The following NEB variants were observed in gnomAD, a reference collection of about 807,000 sequenced individuals.
The protein encoded by NEB is nemaline myopathy type 2.
Under a neutral mutation model 952.2 loss-of-function variants are expected in NEB, and 512 were observed. The ratio of observed to expected loss-of-function variants is 0.54; its 90% CI spans 0.50 to 0.58. The LOEUF is 0.58. Among genes scored for constraint, NEB ranks in the 20% least tolerant of loss-of-function variants. The pLI, the probability that NEB is intolerant of heterozygous loss-of-function variation, is 0.00. For synonymous variants in NEB, 2,900 were observed against 3,149.8 expected, an observed-to-expected ratio of 0.92 and a Z score of 2.66; for missense variants, 8,428 against 9,231.1, an observed-to-expected ratio of 0.91 and a Z score of 3.56.
At chr2:151,525,860 G>A (rs2085425292) in intron 150 of NEB, 98 bp downstream of exon 150, 1 of 888,416 alleles carries the variant, frequency 1.1e-6, no homozygotes, top group South Asian at 1.3e-5. Context: ...TAAGAGTGAA[G>A]CTACATAAAG....
intron 74 of NEB, 73 bp downstream of exon 74, chr2:151,618,202 C>T: frequency 7.5e-7 from 1 of 1,326,000 alleles, no homozygotes; most frequent in South Asian, 1.2e-5. Flanking sequence ...CTTTAAAATG[C>T]AATAATATAT....
At chr2:151,551,708 G>A in intron 129 of NEB, 30 bp downstream of exon 129, 1 of 1,543,584 alleles carries the variant, frequency 6.5e-7, no homozygotes, top group Non-Finnish European at 9.0e-7. Flanking sequence ...ACGGATTTCT[G>A]CTGGGCACTC....
chr2:151,534,833 G>A (rs1043247361), intron 142 of NEB, among the ~76,000 whole-genome samples: 3 of 152,186 alleles, frequency 2.0e-5, no homozygotes, highest in Non-Finnish European at 4.4e-5. Context: ...GAAGCTACTG[G>A]CAGTAATTCT....
chr2:151,521,776 T>C (rs1313695008), intron 153 of NEB, among the ~76,000 whole-genome samples: 1 of 152,242 alleles, frequency 6.6e-6, no homozygotes, highest in East Asian at 1.9e-4. Context: ...AAAAAAGTTA[T>C]GGCTCCCTTC....
intron 105 of NEB, among the ~76,000 whole-genome samples, chr2:151,576,946 G>A (rs1162267671): frequency 6.6e-6 from 1 of 152,116 alleles, no homozygotes; most frequent in Non-Finnish European, 1.5e-5. Context: ...TGTGGCAAGG[G>A]TCTGTGTGGT....
rs766992663 is a variant in NEB at position 151,545,845 on chromosome 2, T to G, written c.20577+43A>C. ...CCTTGTGGAGTAATTCAGTTTGTAC[T>G]GGTCAATTTGATTGACTTCAATGAC... On this transcript the variant is annotated intron_variant, in intron 135 of 181. Transcript: ENST00000397345. 3 of 1,231,468 alleles carry G rather than the reference T, an allele frequency of 2.4e-6. No homozygotes were observed. The African/African-American group carries it at 4.5e-5, about 18-fold the overall frequency. 76.3% of individuals were successfully genotyped at this position (1,231,468 alleles called of 1,614,324 possible). A position where few individuals can be genotyped will look rare whatever the true frequency, so the allele number is the denominator to read the frequency against.
intron 6 of NEB, 128 bp from the exon 7 acceptor site, chr2:151,725,089 A>G: frequency 1.4e-6 from 1 of 701,942 alleles, no homozygotes; most frequent in Non-Finnish European, 2.4e-6. Context: ...TAGTTTCTGC[A>G]TTTTAGCTGG....
In NEB at chr2:151,609,986, G is replaced by A. The variant is rs772919559; in HGVS notation, c.12153C>T (p.Phe4051=). The change falls in exon 81 of 182, where the codon TTC becomes TTT. Residue 4051 remains phenylalanine, a synonymous_variant. Transcript: ENST00000397345. ...IQSEREYKKE[F]QKWKTKFSSP... Reference sequence around the variant, plus strand: ...TAGAGAACTTGGTTTTCCACTTTTGGAATTCCTTCTTGTACTCCCTTTCAC... The same window carrying A: ...TAGAGAACTTGGTTTTCCACTTTTGAAATTCCTTCTTGTACTCCCTTTCAC... 6.2e-7 allele frequency: 1 copy of A among 1,613,762 alleles called. No homozygotes were observed. The highest frequency in any genetic ancestry group is 1.3e-5 in the African/African-American group (1 of 74,912).
At chr2:151,724,187 T>A in intron 8 of NEB, 73 bp downstream of exon 8, 1 of 1,146,900 alleles carries the variant, frequency 8.7e-7, no homozygotes, top group Non-Finnish European at 1.3e-6. Context: ...GATCAAGAGT[T>A]CACCAAGTAT....
intron 161 of NEB, among the ~76,000 whole-genome samples, chr2:151,511,912 A>T (rs1239772315): frequency 2.0e-5 from 3 of 151,830 alleles, no homozygotes; most frequent in Non-Finnish European, 2.9e-5. Context: ...GAGATTTTAC[A>T]TGTTAAAATA....
At chr2:151,506,865 A>T (rs1165189420) in intron 163 of NEB, 44 bp downstream of exon 163, 4 of 1,259,262 alleles carry the variant, frequency 3.2e-6, no homozygotes, top group Admixed American at 1.7e-5. Flanking sequence ...AGGAGAGTGA[A>T]ATGACTAGGT....
In NEB at chr2:151,547,560, A is replaced by G. The variant is rs1218866595; in HGVS notation, c.20263-27T>C. 16 of 1,599,756 alleles carry G rather than the reference A, an allele frequency of 1.0e-5. No homozygotes were observed. In the South Asian group the frequency reaches 1.3e-4, roughly 13 times the overall value. ...TAAAGAAAAAAAAATACCCCAAAACATATGTATTAGAGACCGAATGATTAA... is the reference window on the plus strand; with the variant it reads ...TAAAGAAAAAAAAATACCCCAAAACGTATGTATTAGAGACCGAATGATTAA... On this transcript the variant is annotated intron_variant, in intron 132 of 181. Transcript: ENST00000397345.
Position 151,538,200 on chromosome 2 carries a change from G to A in NEB, c.20937C>T (p.His6979=), listed in dbSNP as rs1363896938. ...CAATGTCTAGGGCATCTTTCACCGT[G>A]TGGTATTTCCCTTTGGTCTTTTGAA... is the stretch of plus-strand genomic sequence containing the variant. ...ETFQKTKGKY[H]TVKDALDIVY... Residue 6979 remains histidine (H), a synonymous_variant, in exon 139 of 182, where the codon CAC becomes CAT. Coordinates refer to ENST00000397345, the MANE Select transcript of NEB (RefSeq NM_001164508.2). 1.2e-6 allele frequency: 2 copies of A among 1,613,166 alleles called. No homozygotes were observed. The highest frequency in any genetic ancestry group is 1.7e-5 in the Admixed American group (1 of 60,004).
intron 27 of NEB, among the ~76,000 whole-genome samples, chr2:151,685,822 C>T (rs1204639076): frequency 6.6e-6 from 1 of 152,172 alleles, no homozygotes; most frequent in Non-Finnish European, 1.5e-5. Context: ...ATCCTAGTTT[C>T]CCATGGTCAC....
At chr2:151,512,611 G>A in intron 161 of NEB, 122 bp downstream of exon 161, 1 of 789,566 alleles carries the variant, frequency 1.3e-6, no homozygotes, top group South Asian at 1.6e-5. Context: ...ACTGCACCTG[G>A]TGAATCTCTT....
At position 151,569,302 on chromosome 2, in the gene NEB, T is replaced by C. The variant is rs757601781; in HGVS notation, c.17501A>G (p.Asn5834Ser). ...GATGTCCGCGGCATGTTTGGCATGA[T>C]TGACGGACACGGAGTCATTTGGCAT... ...GWMPNDSVSV[N>S]HAKHAADIFS... The change falls in exon 110 of 182, where the codon AAT becomes AGT. Residue 5834 changes from asparagine to serine, a missense_variant. Coordinates refer to ENST00000397345, the MANE Select transcript of NEB (RefSeq NM_001164508.2). The C allele has an allele frequency of 5.6e-6, 9 of 1,613,946 alleles. No homozygotes were observed. The highest frequency in any genetic ancestry group is 5.5e-5 in the South Asian group (5 of 91,084).
intron 71 of NEB, among the ~76,000 whole-genome samples, chr2:151,623,799 TAGGAATAA>T (rs1372206918): frequency 6.6e-6 from 1 of 152,176 alleles, no homozygotes; most frequent in Non-Finnish European, 1.5e-5. Flanking sequence ...ATTTTTTCTT[TAGGAATAA>T]ATGTTCATAT....
At chr2:151,692,582 C>A in intron 20 of NEB, 1 of 567,182 alleles carries the variant, frequency 1.8e-6, no homozygotes, top group South Asian at 2.0e-5. Context: ...TGTTACTTTT[C>A]CTAATATTTT....
Position 151,520,845 on chromosome 2 carries a change from CAG to C in NEB, c.22480-1079_22480-1078del, listed in dbSNP as rs564680867. On this transcript the variant is annotated intron_variant, in intron 153 of 181. Coordinates refer to ENST00000397345, the MANE Select transcript of NEB (RefSeq NM_001164508.2). ...CACCACTGCACTCCATCGTGGGCAACAGAGCAAGACCCTGTCTCACAAAATAA... is the reference window on the plus strand; with the variant it reads ...CACCACTGCACTCCATCGTGGGCAACAGCAAGACCCTGTCTCACAAAATAA... Among the ~76,000 whole-genome samples the C allele has an allele frequency of 5.3e-5, 8 of 151,544 alleles. No homozygotes were observed. The South Asian group carries it at 1.2e-3, about 24-fold the overall frequency.
Sources: allele counts gnomAD v4.1 joint callset (sites outside exome capture counted in the v4.1 genomes callset), GRCh38; gene constraint gnomAD v4.1.1; transcripts MANE v1.5; gene names NCBI Gene and HGNC (gene_info 2026-07-23, HGNC 2026-07-21).